The following SMIM23 variants were observed in gnomAD, a reference collection of about 807,000 sequenced individuals.
SMIM23 encodes small integral membrane protein 23, also known as CTB-78H18.1.
Under a neutral mutation model 12.8 loss-of-function variants are expected in SMIM23, and 10 were observed. The ratio of observed to expected loss-of-function variants is 0.78; its 90% CI spans 0.48 to 1.32. The LOEUF is 1.32. Among genes scored for constraint, SMIM23 ranks in the 40% most tolerant of loss-of-function variants. The pLI is 0.00. For missense variants in SMIM23, 184 were observed against 198.2 expected, an observed-to-expected ratio of 0.93 and a Z score of 0.43; for synonymous variants, 78 against 80.1, an observed-to-expected ratio of 0.97 and a Z score of 0.14.
At chr5:171,788,577 A>G (rs1419361143) in intron 1 of SMIM23, among the ~76,000 whole-genome samples, 1 of 152,302 alleles carries the variant, frequency 6.6e-6, no homozygotes, top group Admixed American at 6.5e-5. Context: ...TAATATTAGG[A>G]ACAATTTGAT....
chr5:171,778,971 G>A (rs1425724725), upstream of SMIM23, among the ~76,000 whole-genome samples: 11 of 152,082 alleles, frequency 7.2e-5, no homozygotes, highest in Middle Eastern at 3.2e-3. Context: ...AAGACTGGCC[G>A]TTTCCAATTT....
chr5:171,782,061 G>C (rs153758), upstream of SMIM23, among the ~76,000 whole-genome samples: 83,166 of 151,822 alleles, frequency 0.55, 25,398 homozygotes, highest in African/African-American at 0.84. Flanking sequence ...TACCTTTCTA[G>C]GTTGTGGAAG....
chr5:171,779,062 C>G (rs908049789), upstream of SMIM23, among the ~76,000 whole-genome samples: 1 of 152,196 alleles, frequency 6.6e-6, no homozygotes, highest in South Asian at 2.1e-4. Flanking sequence ...GGATTAGGGA[C>G]AAGCCTCGTT....
chr5:171,774,740 GC>G, the SMIM23 span: 1 of 387,696 alleles, frequency 2.6e-6, no homozygotes, highest in Non-Finnish European at 5.1e-6. Context: ...CTGACATGCA[GC>G]TATTGTGTCA....
At chr5:171,777,294 A>T in the SMIM23 span, among the ~76,000 whole-genome samples, 5 of 152,238 alleles carry the variant, frequency 3.3e-5, no homozygotes, top group Admixed American at 6.5e-5. Flanking sequence ...GAAGTACAGT[A>T]AGTCTAGAAG....
the SMIM23 span, chr5:171,774,587 C>A: frequency 8.8e-6 from 4 of 455,958 alleles, no homozygotes; most frequent in South Asian, 4.6e-5. Context: ...GGCACACTGT[C>A]CCTACCCTGC....
rs1233313450 is a variant in SMIM23, at chr5:171,790,786, G to T, written c.226-9G>T. The T allele has an allele frequency of 6.5e-7, 1 of 1,536,128 alleles. No homozygotes were observed. Among genetic ancestry groups the T allele is most frequent in the Non-Finnish European group, 8.7e-7 (1 of 1,146,904 alleles). On this transcript the variant is annotated splice_polypyrimidine_tract_variant and intron_variant, in intron 3 of 3. Transcript: ENST00000523047. ...AGCACAGGATGCCACTTCTGTGTCTGCCTTCCAGGGGCTTGAATATCAGAC... is the reference window on the plus strand; with the variant it reads ...AGCACAGGATGCCACTTCTGTGTCTTCCTTCCAGGGGCTTGAATATCAGAC...
At chr5:171,779,653 T>C (rs1328178992), upstream of SMIM23, among the ~76,000 whole-genome samples, 1 of 152,196 alleles carries the variant, frequency 6.6e-6, no homozygotes, top group Non-Finnish European at 1.5e-5. Flanking sequence ...TCTCTATCAG[T>C]TTTCTGGATA....
At chr5:171,777,699 C>T (rs1317825375), upstream of SMIM23, among the ~76,000 whole-genome samples, 3 of 152,198 alleles carry the variant, frequency 2.0e-5, no homozygotes, top group East Asian at 1.9e-4. Flanking sequence ...GCCGAGAGCT[C>T]GGACATCCCC....
the SMIM23 span, among the ~76,000 whole-genome samples, chr5:171,775,414 C>A: frequency 6.6e-6 from 1 of 151,926 alleles, no homozygotes; most frequent in Non-Finnish European, 1.5e-5. Flanking sequence ...GGTAACTCTA[C>A]CGTGTGAAAG....
At chr5:171,776,216 A>T in the SMIM23 span, among the ~76,000 whole-genome samples, 1 of 125,534 alleles carries the variant, frequency 8.0e-6, no homozygotes, top group Admixed American at 1.0e-4. Flanking sequence ...AAGAACAGAG[A>T]CCTCTCAAGG....
the SMIM23 span, among the ~76,000 whole-genome samples, chr5:171,776,544 G>C: frequency 1.3e-5 from 2 of 152,156 alleles, no homozygotes; most frequent in Non-Finnish European, 2.9e-5. Context: ...ACCAGGCAAA[G>C]GGTCTCGAAT....
At chr5:171,787,004 C>CTTTTTT (rs202159150) in intron 1 of SMIM23, among the ~76,000 whole-genome samples, 5 of 71,254 alleles carry the variant, frequency 7.0e-5, no homozygotes, top group African/African-American at 9.8e-5. Context: ...CCATTGTTTC[C>CTTTTTT]TTTTTTTTTT....
chr5:171,786,847 T>C (rs1755826577), intron 1 of SMIM23, among the ~76,000 whole-genome samples: 1 of 152,016 alleles, frequency 6.6e-6, no homozygotes, highest in Non-Finnish European at 1.5e-5. Flanking sequence ...CAGAATTCTG[T>C]GGCTTGGGGA....
upstream of SMIM23, among the ~76,000 whole-genome samples, chr5:171,782,186 C>A (rs1157099537): frequency 6.6e-6 from 1 of 152,096 alleles, no homozygotes; most frequent in Non-Finnish European, 1.5e-5. Flanking sequence ...TTGAAGTCAG[C>A]GAGACGGTGA....
At chr5:171,788,945 T>C (rs1755868883) in intron 1 of SMIM23, among the ~76,000 whole-genome samples, 1 of 152,212 alleles carries the variant, frequency 6.6e-6, no homozygotes, top group Admixed American at 6.5e-5. Flanking sequence ...GCTCAAGCGA[T>C]GCTCCTGCCT....
At chr5:171,778,455 A>T (rs867972507), upstream of SMIM23, among the ~76,000 whole-genome samples, 1,599 of 119,486 alleles carry the variant, frequency 0.013, 26 homozygotes, top group African/African-American at 0.042. Flanking sequence ...TTTCACACAC[A>T]CACACACACA....
the SMIM23 span, among the ~76,000 whole-genome samples, chr5:171,777,034 T>C: frequency 6.6e-6 from 1 of 151,394 alleles, no homozygotes; most frequent in Non-Finnish European, 1.5e-5. Flanking sequence ...CTGCCTTATT[T>C]TTCCCTCCAG....
upstream of SMIM23, among the ~76,000 whole-genome samples, chr5:171,780,411 G>A (rs1581070078): frequency 1.3e-5 from 2 of 152,224 alleles, no homozygotes; most frequent in South Asian, 4.2e-4. Flanking sequence ...AGGGCCAGGT[G>A]GGGAAGCTCT....
Sources: gnomAD v4.1 joint callset for allele counts (sites outside exome capture counted in the v4.1 genomes callset) on GRCh38, gnomAD v4.1.1 for gene constraint, MANE v1.5 for transcripts, NCBI Gene and HGNC (gene_info 2026-07-23, HGNC 2026-07-21) for gene names.